MYO3B: variants seen among roughly 807,000 people sequenced by gnomAD.
MYO3B encodes myosin IIIB.
Under a neutral mutation model 174.6 loss-of-function variants are expected in MYO3B, and 156 were observed. The ratio of observed to expected loss-of-function variants is 0.89; its 90% confidence interval spans 0.78 to 1.02. The LOEUF (loss-of-function observed/expected upper bound fraction) is 1.02. Among genes scored for constraint, MYO3B ranks in the 50% least tolerant of loss-of-function variants. MYO3B has a pLI of 0.00. For synonymous variants in MYO3B, 563 were observed against 569.1 expected, an observed-to-expected ratio of 0.99 and a Z score of 0.15; for missense variants, 1,632 against 1,639.4, an observed-to-expected ratio of 1.00 and a Z score of 0.08.
At position 170,379,247 on chromosome 2, in the gene MYO3B, T is replaced by A. The variant is rs548592817; in HGVS notation, c.972-2769T>A. Reference sequence around the variant, plus strand: ...ATCTTGCTCTGTTGCCAGGTTGGCATGCAGTGGCTTGATCTCGGCTCACTG... The same window carrying A: ...ATCTTGCTCTGTTGCCAGGTTGGCAAGCAGTGGCTTGATCTCGGCTCACTG... On this transcript the variant is annotated intron_variant, in intron 9 of 34. Coordinates refer to ENST00000408978, the MANE Select transcript of MYO3B (RefSeq NM_138995.5). Among the ~76,000 whole-genome samples the A allele has an allele frequency of 6.0e-5, 9 of 150,022 alleles. No individual in the cohort carries two copies. The South Asian group carries it at 1.9e-3, about 32-fold the overall frequency.
At chr2:170,643,443 A>T (rs904299723) in intron 32 of MYO3B, among the ~76,000 whole-genome samples, 1 of 152,128 alleles carries the variant, frequency 6.6e-6, no homozygotes, top group East Asian at 1.9e-4. Flanking sequence ...TCACCTGCAA[A>T]TGCCCTGAGA....
Position 170,262,051 on chromosome 2 carries a change from A to AGT in MYO3B, c.749+25918_749+25919dup, listed in dbSNP as rs1377520070. Among the ~76,000 whole-genome samples, 4 of 152,286 alleles carry AGT rather than the reference A, an allele frequency of 2.6e-5. No individual in the cohort carries two copies. The East Asian group carries it at 7.7e-4, about 29-fold the overall frequency. On this transcript the variant is annotated intron_variant, in intron 7 of 34. Transcript: ENST00000408978. ...TGTTTGAAACTCCATATTGTGACTAAGTGTACACATCAGACAGAATGGAAT... is the reference window on the plus strand; with the variant it reads ...TGTTTGAAACTCCATATTGTGACTAAGTGTGTACACATCAGACAGAATGGAAT...
intron 23 of MYO3B, among the ~76,000 whole-genome samples, chr2:170,456,990 C>G (rs1683944215): frequency 6.6e-6 from 1 of 152,218 alleles, no homozygotes; most frequent in South Asian, 2.1e-4. Flanking sequence ...TAGCATGTTA[C>G]TGTACTGAAT....
intron 25 of MYO3B, among the ~76,000 whole-genome samples, chr2:170,494,784 C>T (rs976934834): frequency 4.1e-5 from 6 of 147,802 alleles, no homozygotes; most frequent in Non-Finnish European, 3.0e-5. Context: ...AAAGAAGTTA[C>T]GTGGATTTCT....
chr2:170,337,575 T>C (rs551599648), intron 8 of MYO3B, among the ~76,000 whole-genome samples: 2 of 152,292 alleles, frequency 1.3e-5, no homozygotes, highest in Admixed American at 1.3e-4. Context: ...GAGATTGGAC[T>C]GTACACAACG....
chr2:170,607,472 T>C (rs1694887916), intron 32 of MYO3B, among the ~76,000 whole-genome samples: 1 of 152,204 alleles, frequency 6.6e-6, no homozygotes, highest in Admixed American at 6.5e-5. Flanking sequence ...CAAACCACAC[T>C]CTAGTTTCTA....
At chr2:170,310,088 T>C (rs2093727667) in intron 7 of MYO3B, among the ~76,000 whole-genome samples, 2 of 152,252 alleles carry the variant, frequency 1.3e-5, no homozygotes, top group Admixed American at 1.3e-4. Flanking sequence ...GTAGCATGGA[T>C]CAGTACTTAT....
chr2:170,605,355 A>G (rs1004216799), intron 32 of MYO3B, among the ~76,000 whole-genome samples: 7 of 152,112 alleles, frequency 4.6e-5, no homozygotes, highest in African/African-American at 1.7e-4. Flanking sequence ...CAAGCCTGAA[A>G]TTCCAGTGAT....
intron 8 of MYO3B, among the ~76,000 whole-genome samples, chr2:170,359,947 G>A (rs1188460973): frequency 6.8e-6 from 1 of 146,456 alleles, no homozygotes; most frequent in African/African-American, 2.5e-5. Flanking sequence ...GTAAGTTTTT[G>A]AATGAATCAA....
At chr2:170,229,020 T>A (rs543254203) in intron 6 of MYO3B, among the ~76,000 whole-genome samples, 2 of 150,696 alleles carry the variant, frequency 1.3e-5, no homozygotes, top group South Asian at 4.2e-4. Context: ...AAATTATGTA[T>A]CATCATAGGT....
chr2:170,411,533 C>A (rs969009569), intron 22 of MYO3B, among the ~76,000 whole-genome samples: 2 of 152,162 alleles, frequency 1.3e-5, no homozygotes, highest in Middle Eastern at 3.2e-3. Flanking sequence ...TACAGGACCA[C>A]CAGTTTATAT....
intron 32 of MYO3B, among the ~76,000 whole-genome samples, chr2:170,574,551 A>G (rs562998269): frequency 1.5e-4 from 23 of 152,308 alleles, no homozygotes; most frequent in African/African-American, 5.5e-4. Context: ...ATCAAATACT[A>G]ATTAAAAGAA....
chr2:170,624,529 C>T (rs936059105), intron 32 of MYO3B, among the ~76,000 whole-genome samples: 5 of 152,168 alleles, frequency 3.3e-5, no homozygotes, highest in African/African-American at 1.2e-4. Flanking sequence ...GATTTGACTT[C>T]CTCTTTTCCT....
intron 13 of MYO3B, 45 bp downstream of exon 13, chr2:170,386,317 A>G (rs574827587): frequency 6.7e-7 from 1 of 1,482,280 alleles, no homozygotes; most frequent in African/African-American, 1.4e-5. Context: ...AAGTTCCTAC[A>G]GAGTAACTGC....
chr2:170,599,521 C>A (rs750566881), intron 32 of MYO3B, among the ~76,000 whole-genome samples: 1 of 152,104 alleles, frequency 6.6e-6, no homozygotes, highest in Non-Finnish European at 1.5e-5. Context: ...CCAAGGCAGG[C>A]GGATCATTTG....
intron 3 of MYO3B, among the ~76,000 whole-genome samples, chr2:170,212,533 T>G (rs1009669927): frequency 1.2e-4 from 18 of 152,320 alleles, no homozygotes; most frequent in Non-Finnish European, 2.1e-4. Context: ...TTGCAGAACT[T>G]TCTCCTTAGT....
chr2:170,204,722 T>C (rs1435532361), intron 3 of MYO3B, among the ~76,000 whole-genome samples: 7 of 152,178 alleles, frequency 4.6e-5, no homozygotes, highest in Non-Finnish European at 1.0e-4. Context: ...GAAAACACAC[T>C]TCTGTATTTG....
At chr2:170,627,829 T>G (rs1460657025) in intron 32 of MYO3B, among the ~76,000 whole-genome samples, 2 of 152,242 alleles carry the variant, frequency 1.3e-5, no homozygotes, top group African/African-American at 4.8e-5. Flanking sequence ...AGACCCTGTT[T>G]GCCTGGGTAT....
intron 7 of MYO3B, chr2:170,334,574 G>C (rs941884069): frequency 6.6e-6 from 1 of 152,040 alleles, no homozygotes; most frequent in Non-Finnish European, 1.5e-5. Flanking sequence ...TTGAGTTGCC[G>C]ACAAGCCCTT....
Sources: allele counts gnomAD v4.1 joint callset (sites outside exome capture counted in the v4.1 genomes callset), GRCh38; gene constraint gnomAD v4.1.1; transcripts MANE v1.5; gene names NCBI Gene and HGNC (gene_info 2026-07-23, HGNC 2026-07-21).